The following KIAA1671 variants were observed in gnomAD, a reference collection of about 807,000 sequenced individuals.
KIAA1671 encodes uncharacterized protein KIAA1671.
Under a neutral mutation model 131.2 loss-of-function variants are expected in KIAA1671, and 52 were observed. The ratio of observed to expected loss-of-function variants is 0.40; its 90% CI spans 0.32 to 0.50. The LOEUF is 0.50. Ranked by LOEUF, KIAA1671 falls within the 20% of genes least tolerant of loss-of-function variation. The probability of loss-of-function intolerance (pLI) is 0.73; values close to 1 mark genes in which losing one functional copy is unlikely to be tolerated. For missense variants in KIAA1671, 2,360 were observed against 2,364.2 expected, an observed-to-expected ratio of 1.00 and a Z score of 0.04; for synonymous variants, 1,003 against 961.6, an observed-to-expected ratio of 1.04 and a Z score of -0.80.
intron 6 of KIAA1671, among the ~76,000 whole-genome samples, chr22:25,090,587 A>G (rs775097770): frequency 6.6e-6 from 1 of 152,258 alleles, no homozygotes; most frequent in African/African-American, 2.4e-5. Flanking sequence ...TGTCGAGAGA[A>G]ACAGCCAGGG....
At chr22:25,033,735 T>C (rs988690142) in intron 4 of KIAA1671, among the ~76,000 whole-genome samples, 1 of 150,650 alleles carries the variant, frequency 6.6e-6, no homozygotes, top group Admixed American at 6.6e-5. Context: ...CCCGCCACCA[T>C]GCCCGGCTTA....
intron 6 of KIAA1671, among the ~76,000 whole-genome samples, chr22:25,124,005 T>G (rs916391586): frequency 1.3e-5 from 2 of 152,176 alleles, no homozygotes; most frequent in Non-Finnish European, 2.9e-5. Flanking sequence ...TGGTCTGTAA[T>G]GTGTAGGTGT....
rs950512023 is a variant in KIAA1671 at position 25,146,776 on chromosome 22, G to T, written c.4531-24044G>T. On this transcript the variant is annotated intron_variant, in intron 6 of 12. Coordinates refer to ENST00000358431, the MANE Select transcript of KIAA1671 (RefSeq NM_001145206.2). ...CATATTTATTAATGCACTCACCAAA[G>T]GATCTTGCATGTAGACAGTCAGTGC... Among the ~76,000 whole-genome samples, 12 of 152,296 alleles carry T rather than the reference G, an allele frequency of 7.9e-5. No individual in the cohort carries two copies. The East Asian group carries it at 2.1e-3, about 27-fold the overall frequency.
intron 4 of KIAA1671, among the ~76,000 whole-genome samples, chr22:25,036,655 A>G (rs1926615133): frequency 6.6e-6 from 1 of 152,156 alleles, no homozygotes. Flanking sequence ...GTGGTGGCTC[A>G]CACCTGTAAT....
intron 1 of KIAA1671, among the ~76,000 whole-genome samples, chr22:24,958,994 A>AAAAAG (rs1555946878): frequency 2.0e-5 from 3 of 149,888 alleles, no homozygotes; most frequent in Admixed American, 6.6e-5. Context: ...AAAAAAAAAA[A>AAAAAG]AAAAGAAAAG....
chr22:25,068,536 A>G (rs1406614657), intron 6 of KIAA1671, among the ~76,000 whole-genome samples: 1 of 152,066 alleles, frequency 6.6e-6, no homozygotes, highest in African/African-American at 2.4e-5. Context: ...TACCGGGTTC[A>G]CGCCATTCTC....
Position 25,040,467 on chromosome 22 carries a change from G to A in KIAA1671, c.3337G>A (p.Gly1113Arg). Reference protein sequence around the residue: ...LKPTDRPSSLGAWSLDPFNGR... With the variant: ...LKPTDRPSSLRAWSLDPFNGR... The stretch of plus-strand genomic sequence containing the variant: ...GCCAACAGACCGTCCATCATCTCTT[G>A]GGGCCTGGAGTCTGGACCCTTTCAA... The change falls in exon 5 of 13, where the codon GGG (glycine) becomes AGG (arginine). Residue 1113 changes from glycine (G) to arginine (R), a missense_variant. Gly to Arg is a moderately radical substitution (Grantham distance 125). This residue lies in a region of KIAA1671 where 1,161 missense variants were observed against 1,204.7 expected (regional missense o/e 0.96). Transcript: ENST00000358431. 1 of 1,552,014 alleles carries A rather than the reference G, an allele frequency of 6.4e-7. No homozygotes were observed. The highest frequency in any genetic ancestry group is 8.7e-7 in the Non-Finnish European group (1 of 1,147,060).
chr22:24,979,352 TTA>T (rs1274448976), intron 1 of KIAA1671, among the ~76,000 whole-genome samples: 9 of 134,496 alleles, frequency 6.7e-5, no homozygotes, highest in Admixed American at 1.5e-4. Context: ...ATTTATTTAT[TTA>T]TTTATTTTTT....
chr22:25,136,551 G>T (rs1932683745), intron 6 of KIAA1671, among the ~76,000 whole-genome samples: 1 of 152,186 alleles, frequency 6.6e-6, no homozygotes, highest in South Asian at 2.1e-4. Flanking sequence ...GTACCCTGCT[G>T]GGATTTCTGT....
intron 6 of KIAA1671, among the ~76,000 whole-genome samples, chr22:25,130,035 G>GT (rs1452713356): frequency 6.6e-6 from 1 of 151,882 alleles, no homozygotes; most frequent in Non-Finnish European, 1.5e-5. Flanking sequence ...GAGCCCAGGA[G>GT]TTTGAGACCA....
At chr22:25,072,162 G>T (rs1928866572) in intron 6 of KIAA1671, among the ~76,000 whole-genome samples, 1 of 152,160 alleles carries the variant, frequency 6.6e-6, no homozygotes. Context: ...CATGCCCATG[G>T]TACATTCCAG....
At chr22:24,962,387 AGGATTGGCATGGAGCTGAGG>A (rs1184796041) in intron 1 of KIAA1671, among the ~76,000 whole-genome samples, 1 of 152,168 alleles carries the variant, frequency 6.6e-6, no homozygotes, top group Non-Finnish European at 1.5e-5. Flanking sequence ...GGTGGCTGTG[AGGATTGGCATGGAGCTGAGG>A]GGGTCCTGAT....
At chr22:24,978,838 C>T (rs1923057114) in intron 1 of KIAA1671, among the ~76,000 whole-genome samples, 1 of 152,090 alleles carries the variant, frequency 6.6e-6, no homozygotes, top group South Asian at 2.1e-4. Context: ...CATGCACCAC[C>T]ATGCCCAGCT....
chr22:25,082,402 T>C (rs1273218896), intron 6 of KIAA1671, among the ~76,000 whole-genome samples: 1 of 151,980 alleles, frequency 6.6e-6, no homozygotes, highest in Non-Finnish European at 1.5e-5. Flanking sequence ...CTGGAGGAAG[T>C]GGGAGATTTG....
At chr22:24,981,085 TG>T (rs1486764114) in intron 1 of KIAA1671, among the ~76,000 whole-genome samples, 1 of 151,736 alleles carries the variant, frequency 6.6e-6, no homozygotes, top group Non-Finnish European at 1.5e-5. Flanking sequence ...TGTGTGTGTG[TG>T]TGTTTTTACT....
chr22:24,976,460 CCTGGGACCCCCTG>C (rs1464262529), intron 1 of KIAA1671, among the ~76,000 whole-genome samples: 2 of 152,232 alleles, frequency 1.3e-5, no homozygotes, highest in Admixed American at 1.3e-4. Context: ...CCCCACCCTT[CCTGGGACCCCCTG>C]TTGTTGTGTT....
intron 6 of KIAA1671, among the ~76,000 whole-genome samples, chr22:25,088,525 A>G (rs1197812005): frequency 6.6e-6 from 1 of 152,268 alleles, no homozygotes; most frequent in Non-Finnish European, 1.5e-5. Context: ...TGACAGACAC[A>G]TAAATGGATA....
At chr22:25,017,922 C>A (rs1263757021) in intron 1 of KIAA1671, among the ~76,000 whole-genome samples, 1 of 151,678 alleles carries the variant, frequency 6.6e-6, no homozygotes, top group Non-Finnish European at 1.5e-5. Flanking sequence ...GTCCTGCTTT[C>A]CCCCACAGAG....
intron 6 of KIAA1671, among the ~76,000 whole-genome samples, chr22:25,107,934 G>C (rs1332681912): frequency 6.6e-6 from 1 of 152,112 alleles, no homozygotes; most frequent in Non-Finnish European, 1.5e-5. Context: ...CTTGAACCCA[G>C]TGGGAAGAGG....
Sources: allele counts gnomAD v4.1 joint callset (sites outside exome capture counted in the v4.1 genomes callset), GRCh38; gene constraint gnomAD v4.1.1; regional missense constraint gnomAD v4.1.1; transcripts MANE v1.5; gene names NCBI Gene and HGNC (gene_info 2026-07-23, HGNC 2026-07-21).